The following VDAC2 variants were observed in gnomAD, a reference collection of about 807,000 sequenced individuals.
VDAC2 encodes the protein non-selective voltage-gated ion channel VDAC2.
VDAC2 carries 6 observed loss-of-function variants against 36.6 expected under a neutral mutation model. The ratio of observed to expected loss-of-function variants is 0.16; its 90% CI spans 0.09 to 0.32. The LOEUF (loss-of-function observed/expected upper bound fraction) is 0.32. Ranked by LOEUF, VDAC2 falls within the 10% of genes least tolerant of loss-of-function variation. VDAC2 has a pLI of 1.00. For missense variants in VDAC2, 247 were observed against 346.0 expected, an observed-to-expected ratio of 0.71 and a Z score of 2.27; for synonymous variants, 109 against 123.8, an observed-to-expected ratio of 0.88 and a Z score of 0.79.
chr10:75,219,570 G>C (rs1281442247), intron 6 of VDAC2, among the ~76,000 whole-genome samples: 1 of 152,138 alleles, frequency 6.6e-6, no homozygotes, highest in Non-Finnish European at 1.5e-5. Flanking sequence ...TGCAGTCTCA[G>C]CTTCCTGGGT....
intron 6 of VDAC2, 44 bp from the exon 7 acceptor site, chr10:75,220,699 G>T: frequency 6.5e-7 from 1 of 1,530,348 alleles, no homozygotes; most frequent in South Asian, 1.2e-5. Context: ...GTGCAGAAGT[G>T]TGTGTAAATT....
chr10:75,211,403 G>A (rs1203276732), intron 2 of VDAC2: 3 of 1,437,670 alleles, frequency 2.1e-6, no homozygotes, highest in African/African-American at 1.4e-5. Context: ...GTCTGTGGCC[G>A]CATGGACTTT....
chr10:75,220,703 G>A (rs1185892536), intron 6 of VDAC2, 40 bp from the exon 7 acceptor site: 2 of 1,561,712 alleles, frequency 1.3e-6, no homozygotes, highest in Middle Eastern at 1.7e-4. Flanking sequence ...AGAAGTGTGT[G>A]TAAATTTTTC....
chr10:75,222,541 C>G, intron 8 of VDAC2, 139 bp downstream of exon 8: 5 of 1,227,674 alleles, frequency 4.1e-6, no homozygotes, highest in Non-Finnish European at 4.6e-6. Context: ...TTTTGAAATG[C>G]GCTTTTTTGA....
At chr10:75,212,844 C>A (rs147207054) in intron 3 of VDAC2, among the ~76,000 whole-genome samples, 1 of 152,126 alleles carries the variant, frequency 6.6e-6, no homozygotes, top group South Asian at 2.1e-4. Context: ...AAAAACGGCT[C>A]GTGCTTTAAT....
chr10:75,212,148 T>G, intron 2 of VDAC2, 82 bp from the exon 3 acceptor site: 1 of 1,215,696 alleles, frequency 8.2e-7, no homozygotes, highest in Non-Finnish European at 1.2e-6. Context: ...AATTTTAATA[T>G]CAGCAGTGGG....
intron 8 of VDAC2, among the ~76,000 whole-genome samples, chr10:75,226,723 A>G (rs553454756): frequency 6.6e-6 from 1 of 152,170 alleles, no homozygotes; most frequent in East Asian, 1.9e-4. Flanking sequence ...TTGGCTCCCA[A>G]AGTGCCGGGG....
intron 4 of VDAC2, 147 bp downstream of exon 4, chr10:75,214,217 T>G: frequency 1.3e-6 from 1 of 784,412 alleles, no homozygotes. Flanking sequence ...GTAACCTGAT[T>G]TATTTTGGCC....
rs1040845026 is a variant in VDAC2, at chr10:75,217,720, A to T, written c.151-1343A>T. Among the ~76,000 whole-genome samples the T allele has an allele frequency of 3.9e-5, 6 of 152,130 alleles. No homozygotes were observed. The East Asian group carries it at 1.2e-3, about 29-fold the overall frequency. On this transcript the variant is annotated intron_variant, in intron 4 of 9. Coordinates refer to ENST00000332211, the MANE Select transcript of VDAC2 (RefSeq NM_001391963.1). ...TATAGGTATTGAGGGCTATGCTTTG[A>T]CTTGAAATTCCTGTTAATGAAAGGG...
At chr10:75,217,933 C>T (rs1193725701) in intron 4 of VDAC2, 1 of 1,288,932 alleles carries the variant, frequency 7.8e-7, no homozygotes, top group East Asian at 5.6e-5. Context: ...TTCACATCAG[C>T]TGTCTTCCTT....
intron 6 of VDAC2, among the ~76,000 whole-genome samples, chr10:75,220,120 G>A (rs1841767033): frequency 1.4e-5 from 2 of 145,980 alleles, no homozygotes; most frequent in Non-Finnish European, 3.0e-5. Flanking sequence ...GCCACCGCTC[G>A]CAGCCTGTTT....
At chr10:75,218,087 T>C (rs1173899396) in intron 4 of VDAC2, 2 of 286,146 alleles carry the variant, frequency 7.0e-6, no homozygotes, top group Non-Finnish European at 1.3e-5. Flanking sequence ...AGATGCTGTC[T>C]CAAAAAAAAA....
At chr10:75,212,200 A>C in intron 2 of VDAC2, 30 bp from the exon 3 acceptor site, 1 of 1,601,854 alleles carries the variant, frequency 6.2e-7, no homozygotes, top group Non-Finnish European at 8.5e-7. Context: ...GAATAGAGAC[A>C]TTAACACTGG....
intron 4 of VDAC2, among the ~76,000 whole-genome samples, chr10:75,216,793 A>T (rs1026304175): frequency 6.6e-6 from 1 of 152,182 alleles, no homozygotes; most frequent in African/African-American, 2.4e-5. Context: ...ATAGCTACTC[A>T]CACATTCCCC....
At position 75,220,792 on chromosome 10, in the gene VDAC2, C is replaced by G; in HGVS notation, c.406C>G (p.Leu136Val). 1 of 1,612,456 alleles carries G rather than the reference C, an allele frequency of 6.2e-7. No individual in the cohort carries two copies. The highest frequency in any genetic ancestry group is 8.5e-7 in the Non-Finnish European group (1 of 1,179,000). ...KSSYKRECIN[L>V]GCDVDFDFAG... ...TTCTTACAAGAGGGAGTGTATAAACCTTGGTTGTGATGTTGACTTTGATTT... is the reference window on the plus strand; with the variant it reads ...TTCTTACAAGAGGGAGTGTATAAACGTTGGTTGTGATGTTGACTTTGATTT... Residue 136 changes from leucine to valine, a missense_variant, in exon 7 of 10, where the codon CTT becomes GTT. Physicochemically the swap from Leu to Val is conservative, Grantham distance 32. Transcript: ENST00000332211.
chr10:75,224,584 G>T (rs1841903566), intron 8 of VDAC2, among the ~76,000 whole-genome samples: 1 of 152,098 alleles, frequency 6.6e-6, no homozygotes, highest in South Asian at 2.1e-4. Context: ...AAGGGAGTTG[G>T]TTCACTGGGT....
intron 9 of VDAC2, 26 bp from the exon 10 acceptor site, chr10:75,230,872 G>GT (rs748172674): frequency 6.2e-6 from 10 of 1,602,688 alleles, no homozygotes; most frequent in Non-Finnish European, 8.5e-6. Flanking sequence ...ACGGTTTTTT[G>GT]TTTTTGTGTT....
At chr10:75,218,980 G>A in intron 4 of VDAC2, 83 bp from the exon 5 acceptor site, 1 of 1,393,014 alleles carries the variant, frequency 7.2e-7, no homozygotes. Flanking sequence ...GTTTCAGGGG[G>A]TTTGTGTGTG....
intron 2 of VDAC2, chr10:75,211,545 C>T (rs1269617202): frequency 1.4e-5 from 21 of 1,550,180 alleles, no homozygotes; most frequent in East Asian, 2.4e-5. Context: ...AAGGTCATTA[C>T]TTGTGCTCCT....
Sources: allele counts gnomAD v4.1 joint callset (sites outside exome capture counted in the v4.1 genomes callset), GRCh38; gene constraint gnomAD v4.1.1; transcripts MANE v1.5; gene names NCBI Gene and HGNC (gene_info 2026-07-23, HGNC 2026-07-21).